The following ASL variants were observed in gnomAD, a reference collection of about 807,000 sequenced individuals.
ASL encodes the protein argininosuccinate lyase, also known as argininosuccinase.
A neutral mutation model predicts 69.1 loss-of-function variants in ASL; 51 were observed. The observed-to-expected ratio is 0.74, with a 90% CI of 0.59 to 0.93. ASL has a LOEUF of 0.93. Among genes scored for constraint, ASL ranks in the 40% least tolerant of loss-of-function variants. The probability of loss-of-function intolerance (pLI) is 0.00; values close to 1 mark genes in which losing one functional copy is unlikely to be tolerated. For missense variants in ASL, 540 were observed against 623.9 expected (o/e 0.87, Z 1.43); for synonymous variants, 241 against 247.6 (o/e 0.97, Z 0.25).
rs1584013341 is a variant in ASL at position 66,076,022 on chromosome 7, C to T, written c.-43-17C>T. 5 of 1,568,334 alleles carry T rather than the reference C, an allele frequency of 3.2e-6. No homozygotes were observed. In the South Asian group the frequency reaches 5.9e-5, roughly 18 times the overall value. On this transcript the variant is annotated splice_polypyrimidine_tract_variant and intron_variant, in intron 1 of 16. Transcript: ENST00000304874. ...CCTGCTGGCCAAGGAGGTCGTCAGTCCGGTCTTGTCTTCCAGACCCGGAGG... is the reference window on the plus strand; with the variant it reads ...CCTGCTGGCCAAGGAGGTCGTCAGTTCGGTCTTGTCTTCCAGACCCGGAGG...
At chr7:66,076,018 C>T (rs1786336047) in intron 1 of ASL, 21 bp from the exon 2 acceptor site, 3 of 1,564,236 alleles carry the variant, frequency 1.9e-6, no homozygotes, top group Non-Finnish European at 2.6e-6. Flanking sequence ...AGGAGGTCGT[C>T]AGTCCGGTCT....
Position 66,092,941 on chromosome 7 carries a change from T to C in ASL, c.*29T>C. The C allele has an allele frequency of 4.4e-6, 7 of 1,590,072 alleles. No homozygotes were observed. Among genetic ancestry groups the C allele is most frequent in the Non-Finnish European group, 6.0e-6 (7 of 1,174,850 alleles). ...CTCCCACACCTGCCCCCTAATAAAG[T>C]GGGCGCGAGAGGAGGCTGCTGTGTG... On this transcript the variant is annotated 3_prime_UTR_variant, in exon 17 of 17. Coordinates refer to ENST00000304874, the MANE Select transcript of ASL (RefSeq NM_000048.4).
At chr7:66,087,483 T>C in intron 9 of ASL, 97 bp downstream of exon 9, 1 of 1,435,560 alleles carries the variant, frequency 7.0e-7, no homozygotes, top group Non-Finnish European at 9.6e-7. Context: ...GGCCTGTGGC[T>C]CCTGGTGAAA....
At chr7:66,078,026 C>T (rs1250727819) in intron 2 of ASL, among the ~76,000 whole-genome samples, 1 of 152,216 alleles carries the variant, frequency 6.6e-6, no homozygotes, top group Non-Finnish European at 1.5e-5. Flanking sequence ...GTCTGGCTTC[C>T]AACAAGCCCA....
intron 14 of ASL, among the ~76,000 whole-genome samples, chr7:66,090,073 A>C (rs969352091): frequency 6.6e-6 from 1 of 152,158 alleles, no homozygotes; most frequent in Admixed American, 6.6e-5. Context: ...CCACGTCTCT[A>C]CTAAAAATAC....
At chr7:66,076,971 G>A (rs929469812) in intron 2 of ASL, among the ~76,000 whole-genome samples, 1 of 152,144 alleles carries the variant, frequency 6.6e-6, no homozygotes, top group Non-Finnish European at 1.5e-5. Context: ...GTCATGGCAG[G>A]GGGGTAGGGC....
intron 5 of ASL, 29 bp from the exon 6 acceptor site, chr7:66,083,048 T>C: frequency 6.2e-7 from 1 of 1,613,282 alleles, no homozygotes; most frequent in Non-Finnish European, 8.5e-7. Context: ...CACATCGGCC[T>C]CCCTGAGCAC....
At chr7:66,089,480 C>A (rs1348932147) in intron 13 of ASL, 132 bp from the exon 14 acceptor site, 29 of 1,432,156 alleles carry the variant, frequency 2.0e-5, no homozygotes, top group Non-Finnish European at 2.7e-5. Flanking sequence ...ACTCTCTGCC[C>A]TTCCTTTGTT....
intron 6 of ASL, chr7:66,083,384 G>T (rs970568729): frequency 5.5e-6 from 3 of 542,528 alleles, no homozygotes; most frequent in Non-Finnish European, 9.9e-6. Context: ...AGCAGGCAGA[G>T]AAGACTAACC....
chr7:66,091,338 G>A (rs1345444673), intron 14 of ASL, among the ~76,000 whole-genome samples: 1 of 152,066 alleles, frequency 6.6e-6, no homozygotes, highest in Non-Finnish European at 1.5e-5. Context: ...CAGGAGAAGC[G>A]CTTGAGCCCA....
rs200853731 is a variant in ASL at position 66,092,079 on chromosome 7, G to T, written c.1136G>T (p.Arg379Leu). 1.1e-5 allele frequency: 17 copies of T among 1,611,944 alleles called. No homozygotes were observed. Among genetic ancestry groups the T allele is most frequent in the African/African-American group, 1.3e-5 (1 of 75,044 alleles). The change falls in exon 15 of 17, where the codon CGC becomes CTC. Residue 379 changes from arginine to leucine, a missense_variant. By Grantham distance (102) the Arg-to-Leu change is moderately radical. Coordinates refer to ENST00000304874, the MANE Select transcript of ASL (RefSeq NM_000048.4). ...ACTGACCTTGCCTATTACCTGGTCCGCAAAGGGGTAAGTGTGTAGCAGCCA... is the reference window on the plus strand; with the variant it reads ...ACTGACCTTGCCTATTACCTGGTCCTCAAAGGGGTAAGTGTGTAGCAGCCA... ...LATDLAYYLV[R>L]KGMPFRQAHE...
intron 3 of ASL, 73 bp from the exon 4 acceptor site, chr7:66,082,295 G>C (rs1562737513): frequency 6.9e-7 from 1 of 1,450,150 alleles, no homozygotes; most frequent in Non-Finnish European, 9.5e-7. Context: ...GGATAGGGTG[G>C]GACCAAGGCA....
rs1168345442 is a variant in ASL at position 66,089,285 on chromosome 7, C to T, written c.928C>T (p.Leu310Phe). Residue 310 changes from leucine (L) to phenylalanine (F), a missense_variant, in exon 13 of 17, where the codon CTC (leucine) becomes TTC (phenylalanine). Coordinates refer to ENST00000304874, the MANE Select transcript of ASL (RefSeq NM_000048.4). Reference sequence around the variant, plus strand: ...CTCCCTCTTCCCGCAGTGTGCCGGGCTCCTGATGACCCTCAAGGGACTTCC... The same window carrying T: ...CTCCCTCTTCCCGCAGTGTGCCGGGTTCCTGATGACCCTCAAGGGACTTCC... ...AGRVFGRCAG[L>F]LMTLKGLPST... is the part of the protein sequence containing the mutation. 2.5e-6 allele frequency: 4 copies of T among 1,610,390 alleles called. No individual in the cohort carries two copies. Among genetic ancestry groups the T allele is most frequent in the Non-Finnish European group, 3.4e-6 (4 of 1,178,468 alleles).
Position 66,093,180 on chromosome 7 carries a change from G to C in ASL, c.*268G>C, listed in dbSNP as rs462853. ...AATAATAAAACAAATAGCCTGGCGT[G>C]GTGGCCCATGCATATAGTCCCAGCT... is the stretch of plus-strand genomic sequence containing the variant. On this transcript the variant is annotated 3_prime_UTR_variant, in exon 17 of 17. Transcript: ENST00000304874. The C allele has an allele frequency of 0.12, 65,335 of 548,508 alleles. 4,613 individuals are homozygous for C. Among genetic ancestry groups the C allele is most frequent in the Middle Eastern group, 0.23 (457 of 1,978 alleles). The allele number at this position is 548,508 out of a possible 1,614,324, so 34.0% of individuals were successfully genotyped here.
rs1786759930 is a variant in ASL, at chr7:66,089,077, A to G, written c.834-14A>G. ...AGGGTCCAGCCCCTTCAGCGCCAGC[A>G]CCTCTGTCCCCAGCACGGGAAGCAG... On this transcript the variant is annotated splice_polypyrimidine_tract_variant and intron_variant, in intron 11 of 16. Transcript: ENST00000304874. 14 of 1,613,506 alleles carry G rather than the reference A, an allele frequency of 8.7e-6. 1 individual carries two copies. In the African/African-American group the frequency reaches 1.3e-4, roughly 15 times the overall value.
rs1324624996 is a variant in ASL at position 66,082,865 on chromosome 7, T to G, written c.292-15T>G. 4 of 1,613,504 alleles carry G rather than the reference T, an allele frequency of 2.5e-6. No individual in the cohort carries two copies. The highest frequency in any genetic ancestry group is 2.5e-6 in the Non-Finnish European group (3 of 1,179,970). ...GGGGTATAGACCGTGACCCTGGGTC[T>G]CCCTTCACCTCCAGGAGCTCATTGG... On this transcript the variant is annotated splice_polypyrimidine_tract_variant and intron_variant, in intron 4 of 16. Coordinates refer to ENST00000304874, the MANE Select transcript of ASL (RefSeq NM_000048.4).
intron 14 of ASL, among the ~76,000 whole-genome samples, chr7:66,090,975 G>C (rs1335514347): frequency 6.6e-6 from 1 of 151,870 alleles, no homozygotes; most frequent in African/African-American, 2.4e-5. Context: ...GTACACGCCT[G>C]TAATCCCAGC....
In ASL at chr7:66,082,945, G is replaced by A; in HGVS notation, c.348+9G>A. 6.2e-7 allele frequency: 1 copy of A among 1,613,544 alleles called. No individual in the cohort carries two copies. Among genetic ancestry groups the A allele is most frequent in the Non-Finnish European group, 8.5e-7 (1 of 1,179,932 alleles). On this transcript the variant is annotated intron_variant, in intron 5 of 16. Coordinates refer to ENST00000304874, the MANE Select transcript of ASL (RefSeq NM_000048.4). ...GGAGCCGGAATGACCAGGTGCTTTA[G>A]CCCCTCCACCCCCTGCTCCGTGTTG...
chr7:66,081,910 A>G lies in ASL; in HGVS notation c.120A>G (p.Gln40=), dbSNP rs1786514929. 1 of 1,613,954 alleles carries G rather than the reference A, an allele frequency of 6.2e-7. No homozygotes were observed. Among genetic ancestry groups the G allele is most frequent in the Non-Finnish European group, 8.5e-7 (1 of 1,180,000 alleles). The change falls in exon 3 of 17, where the codon CAA becomes CAG. Residue 40 remains glutamine (Q), a synonymous_variant. Coordinates refer to ENST00000304874, the MANE Select transcript of ASL (RefSeq NM_000048.4). ...YDRHLWEVDV[Q]GSKAYSRGLE... is the part of the protein sequence containing the mutation. ...GGCACCTTTGGGAGGTGGATGTTCAAGGCAGCAAAGCCTACAGCAGGGGCC... is the reference window on the plus strand; with the variant it reads ...GGCACCTTTGGGAGGTGGATGTTCAGGGCAGCAAAGCCTACAGCAGGGGCC...
Sources: allele counts gnomAD v4.1 joint callset (sites outside exome capture counted in the v4.1 genomes callset), GRCh38; gene constraint gnomAD v4.1.1; transcripts MANE v1.5; gene names NCBI Gene and HGNC (gene_info 2026-07-23, HGNC 2026-07-21).